The following NRXN3 variants were observed in gnomAD, a reference collection of about 807,000 sequenced individuals.
The protein encoded by NRXN3 is neurexin 3.
A neutral mutation model predicts 137.6 loss-of-function variants in NRXN3; 32 were observed. The observed-to-expected ratio is 0.23, with a 90% CI of 0.18 to 0.31. The LOEUF (loss-of-function observed/expected upper bound fraction) is 0.31, where lower values mean the gene tolerates loss of function less well. Ranked by LOEUF, NRXN3 falls within the 10% of genes least tolerant of loss-of-function variation. NRXN3 has a pLI of 1.00. For synonymous variants in NRXN3, 798 were observed against 784.5 expected (o/e 1.02, Z -0.29); for missense variants, 1,574 against 2,062.5 (o/e 0.76, Z 4.59).
At chr14:79,141,030 G>C (rs2058739853) in intron 15 of NRXN3, among the ~76,000 whole-genome samples, 1 of 152,288 alleles carries the variant, frequency 6.6e-6, no homozygotes, top group Middle Eastern at 3.4e-3. Flanking sequence ...GAAACATTGA[G>C]TGGTAAAAGA....
intron 15 of NRXN3, among the ~76,000 whole-genome samples, chr14:79,107,384 TG>T (rs2152866845): frequency 6.6e-6 from 1 of 152,194 alleles, no homozygotes; most frequent in East Asian, 1.9e-4. Context: ...AGGGTGAAAG[TG>T]GCATCAACAA....
At chr14:78,683,244 G>A (rs1409521183) in intron 6 of NRXN3, among the ~76,000 whole-genome samples, 2 of 152,138 alleles carry the variant, frequency 1.3e-5, no homozygotes, top group African/African-American at 4.8e-5. Context: ...TTTAAAAAAT[G>A]TAGCCACTAG....
chr14:79,851,357 T>C (rs1469785236), intron 20 of NRXN3, among the ~76,000 whole-genome samples: 1 of 152,078 alleles, frequency 6.6e-6, no homozygotes, highest in African/African-American at 2.4e-5. Flanking sequence ...TTTTTCTATA[T>C]TATTAATTTT....
At chr14:78,686,297 A>G (rs2098125453) in intron 6 of NRXN3, among the ~76,000 whole-genome samples, 1 of 152,344 alleles carries the variant, frequency 6.6e-6, no homozygotes, top group African/African-American at 2.4e-5. Context: ...GCACTAGCAG[A>G]ATCTGTTATT....
At chr14:78,457,727 G>A (rs1167080871) in intron 4 of NRXN3, among the ~76,000 whole-genome samples, 1 of 152,124 alleles carries the variant, frequency 6.6e-6, no homozygotes, top group Non-Finnish European at 1.5e-5. Flanking sequence ...ATATATGTGT[G>A]TATAGATATA....
At chr14:78,973,303 A>T (rs1334969280) in intron 14 of NRXN3, among the ~76,000 whole-genome samples, 1 of 152,146 alleles carries the variant, frequency 6.6e-6, no homozygotes, top group Non-Finnish European at 1.5e-5. Context: ...TGGAAGGAAA[A>T]AAAAGGCCAA....
At chr14:78,703,883 A>G (rs1323036466) in intron 6 of NRXN3, 1 of 152,248 alleles carries the variant, frequency 6.6e-6, no homozygotes, top group Non-Finnish European at 1.5e-5. Context: ...GAGAAAAGAA[A>G]GACCAGGTGG....
At chr14:79,026,017 AG>A (rs1387765966) in intron 15 of NRXN3, among the ~76,000 whole-genome samples, 1 of 152,126 alleles carries the variant, frequency 6.6e-6, no homozygotes, top group Admixed American at 6.6e-5. Context: ...CTCATCGGTC[AG>A]CATTGGTCAG....
chr14:79,366,924 T>C (rs1038374194), intron 15 of NRXN3, among the ~76,000 whole-genome samples: 42 of 151,602 alleles, frequency 2.8e-4, no homozygotes, highest in African/African-American at 9.7e-4. Context: ...AATCCATTTT[T>C]AAAATCTTTT....
At chr14:78,521,616 G>A (rs1271298343) in intron 4 of NRXN3, among the ~76,000 whole-genome samples, 1 of 152,076 alleles carries the variant, frequency 6.6e-6, no homozygotes, top group Non-Finnish European at 1.5e-5. Context: ...ATAAGTTTGT[G>A]GATGGGGAAA....
At chr14:79,218,309 A>G (rs1474268260) in intron 15 of NRXN3, among the ~76,000 whole-genome samples, 1 of 152,186 alleles carries the variant, frequency 6.6e-6, no homozygotes, top group Non-Finnish European at 1.5e-5. Context: ...GCTACCGTTT[A>G]ATGACTTTAA....
intron 16 of NRXN3, among the ~76,000 whole-genome samples, chr14:79,505,620 C>A (rs1360117557): frequency 6.6e-6 from 1 of 152,132 alleles, no homozygotes; most frequent in Non-Finnish European, 1.5e-5. Context: ...AACTAGATGT[C>A]TAATATATAT....
chr14:79,077,558 A>G (rs745359061), intron 15 of NRXN3, among the ~76,000 whole-genome samples: 5 of 152,184 alleles, frequency 3.3e-5, no homozygotes, highest in Non-Finnish European at 5.9e-5. Flanking sequence ...GGCCATTTGA[A>G]AAACAGTGCT....
intron 16 of NRXN3, among the ~76,000 whole-genome samples, chr14:79,518,374 T>A (rs748230705): frequency 6.6e-6 from 1 of 152,150 alleles, no homozygotes; most frequent in Non-Finnish European, 1.5e-5. Context: ...AGTGACATGA[T>A]CTGTCTCTCC....
In NRXN3 at chr14:78,810,310, C is replaced by T; in HGVS notation, c.2249-8C>T. 6.6e-7 allele frequency: 1 copy of T among 1,510,662 alleles called. No individual in the cohort carries two copies. The highest frequency in any genetic ancestry group is 9.0e-7 in the Non-Finnish European group (1 of 1,115,732). The allele number at this position is 1,510,662 out of a possible 1,614,324, so 93.6% of individuals were successfully genotyped here. A position where few individuals can be genotyped will look rare whatever the true frequency, so the allele number is the denominator to read the frequency against. On this transcript the variant is annotated splice_polypyrimidine_tract_variant and splice_region_variant and intron_variant, in intron 9 of 20. Transcript: ENST00000335750. ...AATTTCATCTTTCATTTATTTTTCCCCATCTAGACTGTATCAGGATAAACT... is the reference window on the plus strand; with the variant it reads ...AATTTCATCTTTCATTTATTTTTCCTCATCTAGACTGTATCAGGATAAACT...
At chr14:78,180,697 T>G (rs1452675764) in intron 1 of NRXN3, among the ~76,000 whole-genome samples, 2 of 152,166 alleles carry the variant, frequency 1.3e-5, no homozygotes, top group African/African-American at 4.8e-5. Flanking sequence ...GAAATAAAGA[T>G]GTGGAGGTCT....
intron 16 of NRXN3, among the ~76,000 whole-genome samples, chr14:79,565,254 T>C (rs1479409487): frequency 3.2e-5 from 1 of 31,038 alleles, no homozygotes; most frequent in African/African-American, 1.5e-4. Flanking sequence ...TGTGTATATA[T>C]ACATATACAC....
intron 4 of NRXN3, among the ~76,000 whole-genome samples, chr14:78,421,005 A>G (rs1248999248): frequency 1.3e-5 from 2 of 152,208 alleles, no homozygotes; most frequent in African/African-American, 4.8e-5. Context: ...GCCCTCATCG[A>G]CATTTCTCTT....
At chr14:78,612,172 GCTTT>G (rs932436304) in intron 4 of NRXN3, among the ~76,000 whole-genome samples, 49 of 152,242 alleles carry the variant, frequency 3.2e-4, no homozygotes, top group African/African-American at 1.1e-3. Context: ...GTTTAAACTT[GCTTT>G]CTTACATCCT....
Sources: gnomAD v4.1 joint callset for allele counts (sites outside exome capture counted in the v4.1 genomes callset) on GRCh38, gnomAD v4.1.1 for gene constraint, MANE v1.5 for transcripts, NCBI Gene and HGNC (gene_info 2026-07-23, HGNC 2026-07-21) for gene names.